SPAG16: variants seen among roughly 807,000 people sequenced by gnomAD.
The protein encoded by SPAG16 is sperm-associated antigen 16 protein.
A neutral mutation model predicts 80.4 loss-of-function variants in SPAG16; 86 were observed. The ratio of observed to expected loss-of-function variants is 1.07; its 90% CI spans 0.90 to 1.28. The LOEUF is 1.28. Among genes scored for constraint, SPAG16 ranks in the 50% most tolerant of loss-of-function variants. The probability of loss-of-function intolerance (pLI) is 0.00; values close to 1 mark genes in which losing one functional copy is unlikely to be tolerated. For missense variants in SPAG16, 870 were observed against 765.3 expected (o/e 1.14, Z -1.61); for synonymous variants, 294 against 265.9 (o/e 1.11, Z -1.03).
chr2:213,860,379 A>T (rs1158086393), intron 10 of SPAG16, among the ~76,000 whole-genome samples: 1 of 121,602 alleles, frequency 8.2e-6, no homozygotes, highest in East Asian at 2.7e-4. Flanking sequence ...GTGTGTGTAT[A>T]TCTATAAATA....
Position 213,489,662 on chromosome 2 carries a change from A to G in SPAG16, c.943-301A>G, listed in dbSNP as rs148533841. On this transcript the variant is annotated intron_variant, in intron 9 of 15. Transcript: ENST00000331683. Reference sequence around the variant, plus strand: ...TTATTTAAAAAAAGACAATTAACCAATAATATATGACAATGCTATATTGTG... The same window carrying G: ...TTATTTAAAAAAAGACAATTAACCAGTAATATATGACAATGCTATATTGTG... Among the ~76,000 whole-genome samples the G allele has an allele frequency of 5.3e-3, 804 of 152,244 alleles. 6 individuals are homozygous for G. Among genetic ancestry groups the G allele is most frequent in the African/African-American group, 0.017 (713 of 41,500 alleles).
chr2:213,438,074 T>C (rs924656637), intron 9 of SPAG16, among the ~76,000 whole-genome samples: 2 of 152,224 alleles, frequency 1.3e-5, no homozygotes, highest in East Asian at 1.9e-4. Flanking sequence ...TGTCTCTCTT[T>C]AGCTCTTTAT....
At chr2:214,378,448 T>C (rs1574451821) in intron 15 of SPAG16, among the ~76,000 whole-genome samples, 1 of 152,222 alleles carries the variant, frequency 6.6e-6, no homozygotes, top group South Asian at 2.1e-4. Flanking sequence ...TCTCTATCTC[T>C]GCCCTGTATT....
At chr2:213,602,527 G>A (rs573359846) in intron 10 of SPAG16, among the ~76,000 whole-genome samples, 35 of 152,070 alleles carry the variant, frequency 2.3e-4, no homozygotes, top group South Asian at 2.1e-4. Context: ...CCAGCTACTC[G>A]GGAGGCTGAG....
intron 13 of SPAG16, among the ~76,000 whole-genome samples, chr2:214,075,132 C>A (rs180671102): frequency 4.5e-4 from 68 of 151,790 alleles, no homozygotes; most frequent in African/African-American, 1.5e-3. Flanking sequence ...TATTTCTGTA[C>A]CCTAGCTTTT....
chr2:213,346,590 A>G (rs561940651), intron 6 of SPAG16, among the ~76,000 whole-genome samples: 11 of 152,258 alleles, frequency 7.2e-5, no homozygotes, highest in African/African-American at 2.6e-4. Context: ...TTTTAGCATG[A>G]AGGTTGTTCA....
At position 213,948,472 on chromosome 2, in the gene SPAG16, A is replaced by AT. The variant is rs572960672; in HGVS notation, c.1400+18335dup. On this transcript the variant is annotated intron_variant, in intron 12 of 15. Coordinates refer to ENST00000331683, the MANE Select transcript of SPAG16 (RefSeq NM_024532.5). ...TAAAAATTCTCTCTCTCACTCTCTAATTTTTTTTGTTTTTATCTTTGCCTT... is the reference window on the plus strand; with the variant it reads ...TAAAAATTCTCTCTCTCACTCTCTAATTTTTTTTTGTTTTTATCTTTGCCTT... Among the ~76,000 whole-genome samples the AT allele has an allele frequency of 6.0e-4, 91 of 151,802 alleles. 1 individual carries two copies. In the East Asian group the frequency reaches 0.016, roughly 27 times the overall value.
At chr2:214,284,344 T>A (rs1693185384) in intron 15 of SPAG16, among the ~76,000 whole-genome samples, 1 of 152,216 alleles carries the variant, frequency 6.6e-6, no homozygotes, top group Admixed American at 6.5e-5. Flanking sequence ...TAGTTTGATT[T>A]GTTTCTTCCT....
At chr2:213,938,143 C>T (rs2079062573) in intron 12 of SPAG16, among the ~76,000 whole-genome samples, 1 of 151,720 alleles carries the variant, frequency 6.6e-6, no homozygotes, top group Admixed American at 6.6e-5. Flanking sequence ...TACATTTCTG[C>T]TTTATTACTG....
At chr2:213,424,912 C>T (rs1296469849) in intron 9 of SPAG16, among the ~76,000 whole-genome samples, 1 of 152,078 alleles carries the variant, frequency 6.6e-6, no homozygotes, top group Non-Finnish European at 1.5e-5. Flanking sequence ...TTTGGGGAGA[C>T]CTTATAGTTT....
chr2:213,713,947 T>C (rs1187876529), intron 10 of SPAG16, among the ~76,000 whole-genome samples: 1 of 152,168 alleles, frequency 6.6e-6, no homozygotes, highest in Non-Finnish European at 1.5e-5. Flanking sequence ...CTAGTAACCA[T>C]TCACAAAGAA....
At chr2:214,120,813 G>A (rs2054184715) in intron 14 of SPAG16, among the ~76,000 whole-genome samples, 2 of 151,788 alleles carry the variant, frequency 1.3e-5, no homozygotes, top group South Asian at 4.1e-4. Flanking sequence ...ATTTAAACTT[G>A]TAACTTTTAA....
At chr2:214,384,069 A>T (rs928015441) in intron 15 of SPAG16, among the ~76,000 whole-genome samples, 7 of 152,200 alleles carry the variant, frequency 4.6e-5, no homozygotes, top group African/African-American at 1.7e-4. Flanking sequence ...ATGAGCTACT[A>T]AAGTGTCCAA....
chr2:213,476,882 C>T (rs546954061), intron 9 of SPAG16, among the ~76,000 whole-genome samples: 2 of 152,164 alleles, frequency 1.3e-5, no homozygotes, highest in South Asian at 4.1e-4. Flanking sequence ...CATTCTTGTC[C>T]TGTGACCAAA....
At chr2:213,418,647 G>A (rs1408064369) in intron 9 of SPAG16, among the ~76,000 whole-genome samples, 1 of 151,984 alleles carries the variant, frequency 6.6e-6, no homozygotes, top group Non-Finnish European at 1.5e-5. Context: ...TCTTTTATGT[G>A]GAATCTTGCT....
At chr2:214,179,856 A>G (rs1472856443) in intron 15 of SPAG16, among the ~76,000 whole-genome samples, 1 of 151,514 alleles carries the variant, frequency 6.6e-6, no homozygotes, top group Admixed American at 6.6e-5. Context: ...TGGAAAATAA[A>G]TGGTTTTATG....
At chr2:214,185,345 A>C (rs1559113445) in intron 15 of SPAG16, among the ~76,000 whole-genome samples, 1 of 151,680 alleles carries the variant, frequency 6.6e-6, no homozygotes. Context: ...GTTATTGTAC[A>C]GAAGCTTATT....
intron 10 of SPAG16, among the ~76,000 whole-genome samples, chr2:213,712,774 C>T (rs1337589641): frequency 6.6e-6 from 1 of 151,998 alleles, no homozygotes; most frequent in Non-Finnish European, 1.5e-5. Context: ...TTATGGTTTA[C>T]TAAAATAAAA....
chr2:213,871,247 A>G (rs1415723203), intron 11 of SPAG16, among the ~76,000 whole-genome samples: 1 of 152,122 alleles, frequency 6.6e-6, no homozygotes, highest in Non-Finnish European at 1.5e-5. Context: ...ATGGCAGAAT[A>G]AGGACGTTCA....
Sources: allele counts gnomAD v4.1 joint callset (sites outside exome capture counted in the v4.1 genomes callset), GRCh38; gene constraint gnomAD v4.1.1; transcripts MANE v1.5; gene names NCBI Gene and HGNC (gene_info 2026-07-23, HGNC 2026-07-21).